The following IGF2BP3 variants were observed in gnomAD, a reference collection of about 807,000 sequenced individuals.
The protein encoded by IGF2BP3 is insulin-like growth factor 2 mRNA-binding protein 3.
In IGF2BP3, 9 loss-of-function variants were observed where a neutral mutation model predicts 73.8. The ratio of observed to expected loss-of-function variants is 0.12; its 90% CI spans 0.07 to 0.21. IGF2BP3 has a LOEUF of 0.21. IGF2BP3 is among the 10% of genes least tolerant of loss of function. The probability of loss-of-function intolerance (pLI) is 1.00; values close to 1 mark genes in which losing one functional copy is unlikely to be tolerated. For missense variants in IGF2BP3, 542 were observed against 714.0 expected (o/e 0.76, Z 2.75); for synonymous variants, 258 against 256.7 (o/e 1.01, Z -0.05).
intron 5 of IGF2BP3, among the ~76,000 whole-genome samples, chr7:23,355,642 G>T (rs1345996109): frequency 2.0e-5 from 3 of 152,034 alleles, no homozygotes; most frequent in Non-Finnish European, 4.4e-5. Flanking sequence ...TTGATAAGAA[G>T]TTTACTGGGG....
intron 3 of IGF2BP3, among the ~76,000 whole-genome samples, chr7:23,407,272 A>C (rs1238592738): frequency 6.6e-6 from 1 of 151,680 alleles, no homozygotes; most frequent in South Asian, 2.1e-4. Flanking sequence ...AATAACCTGA[A>C]GAACACTATA....
At chr7:23,326,537 T>C (rs1365622902) in intron 10 of IGF2BP3, among the ~76,000 whole-genome samples, 1 of 151,710 alleles carries the variant, frequency 6.6e-6, no homozygotes, top group Non-Finnish European at 1.5e-5. Flanking sequence ...GAACTAGAAA[T>C]ACCATTTGAC....
intron 2 of IGF2BP3, among the ~76,000 whole-genome samples, chr7:23,439,390 A>G (rs1787877508): frequency 1.3e-5 from 2 of 150,832 alleles, no homozygotes; most frequent in African/African-American, 4.9e-5. Flanking sequence ...CCACCTACTA[A>G]AAATACAAAA....
intron 3 of IGF2BP3, among the ~76,000 whole-genome samples, chr7:23,409,062 C>G (rs1786935971): frequency 1.3e-5 from 2 of 152,164 alleles, no homozygotes; most frequent in Admixed American, 1.3e-4. Flanking sequence ...CTAGATCCCT[C>G]AACGTGTGCA....
chr7:23,336,302 A>ACACGATCTTAGTACGT (rs1784570977), intron 10 of IGF2BP3, among the ~76,000 whole-genome samples: 1 of 152,234 alleles, frequency 6.6e-6, no homozygotes, highest in Non-Finnish European at 1.5e-5. Flanking sequence ...TCAAGGATAA[A>ACACGATCTTAGTACGT]CACGATCTTA....
At chr7:23,433,796 C>T (rs1011952632) in intron 2 of IGF2BP3, among the ~76,000 whole-genome samples, 3 of 152,066 alleles carry the variant, frequency 2.0e-5, no homozygotes, top group East Asian at 1.9e-4. Flanking sequence ...AGTTTTAGGC[C>T]GGGCACAGTG....
intron 3 of IGF2BP3, among the ~76,000 whole-genome samples, chr7:23,417,881 C>A (rs901292120): frequency 6.6e-6 from 1 of 152,152 alleles, no homozygotes; most frequent in Admixed American, 6.6e-5. Flanking sequence ...ATACCAAAAA[C>A]CAACCCCTTC....
At chr7:23,404,895 C>CT in intron 3 of IGF2BP3, 1 of 152,254 alleles carries the variant, frequency 6.6e-6, no homozygotes, top group African/African-American at 2.4e-5. Context: ...ACCAGGAGAC[C>CT]TTTGCCCTCC....
chr7:23,457,779 AGAGT>A (rs1788357151), intron 2 of IGF2BP3, among the ~76,000 whole-genome samples: 1 of 152,240 alleles, frequency 6.6e-6, no homozygotes, highest in Non-Finnish European at 1.5e-5. Flanking sequence ...ACTACTAGAG[AGAGT>A]GAGGATTGAA....
chr7:23,319,759 T>C (rs1386799694), intron 10 of IGF2BP3, among the ~76,000 whole-genome samples: 1 of 152,216 alleles, frequency 6.6e-6, no homozygotes, highest in Non-Finnish European at 1.5e-5. Context: ...TTTTGTTACA[T>C]ATGACTAAAT....
rs183238081 is a variant in IGF2BP3 at position 23,465,530 on chromosome 7, C to G, written c.236+2952G>C. 3.0e-4 allele frequency among the ~76,000 whole-genome samples: 46 copies of G among 151,892 alleles called. 1 individual carries two copies. The highest frequency in any genetic ancestry group is 2.1e-3 in the South Asian group (10 of 4,790). On this transcript the variant is annotated intron_variant, in intron 2 of 14. Coordinates refer to ENST00000258729, the MANE Select transcript of IGF2BP3 (RefSeq NM_006547.3). ...TACTACTTCCTGAAAGGGTCCCCCC[C>G]CAAGCTCCACTGGAAGTCAAAGCCA...
chr7:23,320,759 G>A (rs1025395349), intron 10 of IGF2BP3, among the ~76,000 whole-genome samples: 1 of 151,156 alleles, frequency 6.6e-6, no homozygotes, highest in Non-Finnish European at 1.5e-5. Flanking sequence ...ACCAGCCTGG[G>A]CAACATGGCA....
At chr7:23,395,630 C>G (rs936378716) in intron 3 of IGF2BP3, among the ~76,000 whole-genome samples, 2 of 150,370 alleles carry the variant, frequency 1.3e-5, no homozygotes, top group Admixed American at 6.6e-5. Flanking sequence ...AAAAAATTAA[C>G]TGAAAAACCA....
chr7:23,340,977 G>A (rs906534083), intron 10 of IGF2BP3, among the ~76,000 whole-genome samples: 3 of 151,242 alleles, frequency 2.0e-5, no homozygotes, highest in Non-Finnish European at 4.4e-5. Flanking sequence ...AGCCTCCCAA[G>A]TAGCTGGGAT....
intron 2 of IGF2BP3, among the ~76,000 whole-genome samples, chr7:23,420,186 T>C (rs909563755): frequency 6.6e-6 from 1 of 152,206 alleles, no homozygotes; most frequent in African/African-American, 2.4e-5. Context: ...ACTTTCACAA[T>C]TAGAACTATA....
intron 10 of IGF2BP3, among the ~76,000 whole-genome samples, chr7:23,325,184 G>A (rs1281747219): frequency 3.3e-5 from 5 of 152,142 alleles, no homozygotes; most frequent in African/African-American, 1.2e-4. Flanking sequence ...CATTGTCTCA[G>A]CCCAAAATCT....
At chr7:23,341,434 G>A (rs1784709757) in intron 10 of IGF2BP3, among the ~76,000 whole-genome samples, 1 of 152,190 alleles carries the variant, frequency 6.6e-6, no homozygotes. Flanking sequence ...GAGAGGCCGA[G>A]GCAGGCAGAC....
At chr7:23,331,721 G>T (rs1379128454) in intron 10 of IGF2BP3, among the ~76,000 whole-genome samples, 3 of 151,998 alleles carry the variant, frequency 2.0e-5, no homozygotes, top group Non-Finnish European at 4.4e-5. Context: ...TTAGCTGGGC[G>T]TGGTGGCGTG....
intron 10 of IGF2BP3, among the ~76,000 whole-genome samples, chr7:23,333,867 G>A (rs1024596114): frequency 2.0e-5 from 3 of 152,202 alleles, no homozygotes; most frequent in African/African-American, 7.2e-5. Flanking sequence ...ATTTCTGAAC[G>A]TCGTCCAATT....
Sources: gnomAD v4.1 joint callset for allele counts (sites outside exome capture counted in the v4.1 genomes callset) on GRCh38, gnomAD v4.1.1 for gene constraint, MANE v1.5 for transcripts, NCBI Gene and HGNC (gene_info 2026-07-23, HGNC 2026-07-21) for gene names.